The following TSHR variants were observed in gnomAD, a reference collection of about 807,000 sequenced individuals.
TSHR encodes thyroid stimulating hormone receptor, also known as thyrotropin receptor.
In TSHR, 51 loss-of-function variants were observed where a neutral mutation model predicts 64.1. That is an observed-to-expected ratio of 0.80 (90% CI 0.64 to 1.01). TSHR has a LOEUF of 1.01. TSHR is among the 50% of genes least tolerant of loss of function. TSHR has a pLI of 0.00. For missense variants in TSHR, 877 were observed against 942.8 expected (o/e 0.93, Z 0.91); for synonymous variants, 361 against 361.9 (o/e 1.00, Z 0.03).
At chr14:81,109,419 A>AAAAACAAAAACAAAAC (rs1890127559) in intron 8 of TSHR, among the ~76,000 whole-genome samples, 1 of 152,162 alleles carries the variant, frequency 6.6e-6, no homozygotes, top group Non-Finnish European at 1.5e-5. Flanking sequence ...AAAAAACAAC[A>AAAAACAAAAACAAAAC]AAAACAAAAA....
intron 1 of TSHR, among the ~76,000 whole-genome samples, chr14:80,962,077 A>T (rs1032089803): frequency 2.6e-5 from 4 of 152,190 alleles, no homozygotes; most frequent in South Asian, 2.1e-4. Flanking sequence ...TGCTTTGGGA[A>T]CATTGCTTAG....
chr14:81,107,451 T>C (rs1889969805), intron 7 of TSHR, among the ~76,000 whole-genome samples: 1 of 152,214 alleles, frequency 6.6e-6, no homozygotes, highest in Non-Finnish European at 1.5e-5. Context: ...GCTATGCTTC[T>C]TTTTAGATAA....
chr14:80,961,262 A>C (rs1036001857), intron 1 of TSHR, among the ~76,000 whole-genome samples: 1 of 103,370 alleles, frequency 9.7e-6, no homozygotes, highest in African/African-American at 3.3e-5. Flanking sequence ...AACACCACCA[A>C]CACGTCCCTG....
At chr14:81,112,256 A>G (rs944672755) in intron 8 of TSHR, among the ~76,000 whole-genome samples, 11 of 152,212 alleles carry the variant, frequency 7.2e-5, no homozygotes, top group African/African-American at 2.7e-4. Context: ...AACTAAATAT[A>G]TCCTCAATAA....
chr14:81,044,793 T>G (rs1379333880), intron 1 of TSHR, among the ~76,000 whole-genome samples: 1 of 151,988 alleles, frequency 6.6e-6, no homozygotes, highest in African/African-American at 2.4e-5. Flanking sequence ...TGCTATACAC[T>G]GTCGGTGAGA....
At chr14:81,037,832 A>G (rs1179986574) in intron 1 of TSHR, among the ~76,000 whole-genome samples, 1 of 152,096 alleles carries the variant, frequency 6.6e-6, no homozygotes, top group Non-Finnish European at 1.5e-5. Flanking sequence ...TAAAGCAAAT[A>G]TTATAACATC....
At chr14:80,988,318 G>A (rs1167036972) in intron 1 of TSHR, among the ~76,000 whole-genome samples, 1 of 152,132 alleles carries the variant, frequency 6.6e-6, no homozygotes, top group East Asian at 1.9e-4. Flanking sequence ...TGGCTTCTGG[G>A]GAAGCCTCAG....
At chr14:80,957,950 A>C (rs1886791415) in intron 1 of TSHR, 1 of 152,206 alleles carries the variant, frequency 6.6e-6, no homozygotes, top group Non-Finnish European at 1.5e-5. Context: ...ATGGAGAGGG[A>C]GGTAGTATGT....
chr14:81,051,507 T>C (rs542666601), intron 1 of TSHR: 8 of 152,300 alleles, frequency 5.3e-5, no homozygotes, highest in African/African-American at 1.4e-4. Context: ...ACTGCTGCAG[T>C]GAATGTGGAG....
rs1215944830 is a variant in TSHR at position 81,139,762 on chromosome 14, C to A, written c.776C>A (p.Thr259Asn). Residue 259 changes from threonine to asparagine, a missense_variant, in exon 9 of 10, where the codon ACT becomes AAT. Transcript: ENST00000298171. ...GAACTGATAGCAAGAAACACCTGGACTCTTAAGAAACTTCCACTTTCCTTG... is the reference window on the plus strand; with the variant it reads ...GAACTGATAGCAAGAAACACCTGGAATCTTAAGAAACTTCCACTTTCCTTG... Reference protein sequence around the residue: ...LKELIARNTWTLKKLPLSLSF... With the variant: ...LKELIARNTWNLKKLPLSLSF... The A allele has an allele frequency of 6.2e-7, 1 of 1,614,118 alleles. No individual in the cohort carries two copies. Among genetic ancestry groups the A allele is most frequent in the Non-Finnish European group, 8.5e-7 (1 of 1,180,052 alleles).
intron 1 of TSHR, among the ~76,000 whole-genome samples, chr14:80,967,396 T>A (rs1887378018): frequency 6.6e-6 from 1 of 151,120 alleles, no homozygotes; most frequent in South Asian, 2.1e-4. Context: ...GCAGTTCTCC[T>A]GCCTCAGCCT....
chr14:80,999,749 A>G (rs545686417), intron 1 of TSHR, among the ~76,000 whole-genome samples: 1 of 152,264 alleles, frequency 6.6e-6, no homozygotes, highest in African/African-American at 2.4e-5. Context: ...CATGCTGTTG[A>G]GTCAAAAGAA....
At chr14:80,959,813 C>A (rs911751096) in intron 1 of TSHR, among the ~76,000 whole-genome samples, 2 of 152,202 alleles carry the variant, frequency 1.3e-5, no homozygotes, top group African/African-American at 2.4e-5. Flanking sequence ...AAACTGAAGA[C>A]AATCATTCAT....
At chr14:81,037,769 G>A (rs1236798773) in intron 1 of TSHR, among the ~76,000 whole-genome samples, 1 of 151,934 alleles carries the variant, frequency 6.6e-6, no homozygotes, top group Non-Finnish European at 1.5e-5. Context: ...GGGTCAATTA[G>A]CAACCAATTA....
At chr14:81,072,858 G>A (rs1264857753) in intron 3 of TSHR, among the ~76,000 whole-genome samples, 6 of 143,454 alleles carry the variant, frequency 4.2e-5, no homozygotes, top group East Asian at 2.0e-4. Context: ...TTAGCCGGGC[G>A]TAGTGGCGGG....
chr14:81,132,007 T>C (rs578142990), intron 8 of TSHR, among the ~76,000 whole-genome samples: 146 of 144,972 alleles, frequency 1.0e-3, no homozygotes, highest in African/African-American at 4.1e-3. Flanking sequence ...TAAATGCATA[T>C]TGCATTTCTA....
At chr14:81,021,104 T>C (rs930697893) in intron 1 of TSHR, among the ~76,000 whole-genome samples, 1 of 152,066 alleles carries the variant, frequency 6.6e-6, no homozygotes, top group Admixed American at 6.6e-5. Context: ...GTAATAATAA[T>C]AGAAATAACA....
chr14:81,039,064 A>G (rs1427223888), intron 1 of TSHR, among the ~76,000 whole-genome samples: 1 of 151,936 alleles, frequency 6.6e-6, no homozygotes, highest in Non-Finnish European at 1.5e-5. Context: ...TTACCCTGAT[A>G]CAAAAACAAG....
intron 1 of TSHR, among the ~76,000 whole-genome samples, chr14:80,978,048 T>C (rs532779130): frequency 6.6e-6 from 1 of 151,790 alleles, no homozygotes; most frequent in East Asian, 1.9e-4. Flanking sequence ...CTTGTATTCA[T>C]TGCTTTCCTT....
Sources: gnomAD v4.1 joint callset for allele counts (sites outside exome capture counted in the v4.1 genomes callset) on GRCh38, gnomAD v4.1.1 for gene constraint, MANE v1.5 for transcripts, NCBI Gene and HGNC (gene_info 2026-07-23, HGNC 2026-07-21) for gene names.